Variants in AUTS2 observed in about 807,000 individuals in gnomAD.
The protein encoded by AUTS2 is autism susceptibility gene 2 protein.
Under a neutral mutation model 112.4 loss-of-function variants are expected in AUTS2, and 17 were observed. That is an observed-to-expected ratio of 0.15 (90% confidence interval 0.10 to 0.23). AUTS2 has a LOEUF of 0.23. AUTS2 is among the 10% of genes least tolerant of loss of function. The pLI, the probability that AUTS2 is intolerant of heterozygous loss-of-function variation, is 1.00. For synonymous variants in AUTS2, 751 were observed against 702.7 expected, an observed-to-expected ratio of 1.07 and a Z score of -1.09; for missense variants, 1,510 against 1,701.6, an observed-to-expected ratio of 0.89 and a Z score of 1.98.
At chr7:70,278,193 CT>C (rs1788031410) in intron 4 of AUTS2, among the ~76,000 whole-genome samples, 1 of 152,124 alleles carries the variant, frequency 6.6e-6, no homozygotes, top group Non-Finnish European at 1.5e-5. Context: ...ATTAGACCAA[CT>C]TGTTCTTAGC....
chr7:70,147,234 AG>A (rs1807175867), intron 4 of AUTS2, among the ~76,000 whole-genome samples: 2 of 152,034 alleles, frequency 1.3e-5, no homozygotes, highest in African/African-American at 2.4e-5. Context: ...AAAAAAAAAA[AG>A]TAAAATCATG....
At chr7:70,077,690 G>A (rs1356488789) in intron 2 of AUTS2, among the ~76,000 whole-genome samples, 1 of 152,178 alleles carries the variant, frequency 6.6e-6, no homozygotes, top group African/African-American at 2.4e-5. Flanking sequence ...ACGGCTCTCT[G>A]CCTTTGTTTC....
At position 70,790,250 on chromosome 7, in the gene AUTS2, T is replaced by A. The variant is rs745375336; in HGVS notation, c.3034T>A (p.Ser1012Thr). Reference protein sequence around the residue: ...ASEPPPPNSSSSVHPGPLASM... With the variant: ...ASEPPPPNSSTSVHPGPLASM... The stretch of plus-strand genomic sequence containing the variant: ...GGAGCCGCCGCCTCCCAACTCCTCG[T>A]CCAGCGTGCACCCGGGGCCCCTGGC... The change falls in exon 19 of 19, where the codon TCC becomes ACC. Residue 1012 changes from serine to threonine, a missense_variant. Physicochemically the swap from Ser to Thr is moderately conservative, Grantham distance 58 (BLOSUM62 1). Around this residue, in one of 3 missense-constraint regions of AUTS2, gnomAD observed 788 missense variants for 797.6 expected, o/e 0.99. Transcript: ENST00000342771. This position sits in a 1 kb window ranked among gnomAD's most constrained non-coding sequence, Gnocchi z 7.6. 6.2e-7 allele frequency: 1 copy of A among 1,612,864 alleles called. No homozygotes were observed. Among genetic ancestry groups the A allele is most frequent in the South Asian group, 1.1e-5 (1 of 91,004 alleles).
chr7:70,416,373 C>T (rs1794987076), intron 4 of AUTS2, among the ~76,000 whole-genome samples: 1 of 152,190 alleles, frequency 6.6e-6, no homozygotes. Context: ...AAGTCCCCCA[C>T]TAGTGAGCAC....
At position 69,779,020 on chromosome 7, in the gene AUTS2, A is replaced by G. The variant is rs150105332; in HGVS notation, c.310-120266A>G. 2.7e-3 allele frequency among the ~76,000 whole-genome samples: 389 copies of G among 145,472 alleles called. 4 individuals carry two copies. Among genetic ancestry groups the G allele is most frequent in the African/African-American group, 9.7e-3 (379 of 39,084 alleles). ...TGTTTATTCATGTATAAAAGAAAGT[A>G]CTACACATAGTTGTGAGCCTTTTTT... is the stretch of plus-strand genomic sequence containing the variant. On this transcript the variant is annotated intron_variant, in intron 1 of 18. Coordinates refer to ENST00000342771, the MANE Select transcript of AUTS2 (RefSeq NM_015570.4).
At chr7:70,289,215 G>T (rs148087905) in intron 4 of AUTS2, among the ~76,000 whole-genome samples, 213 of 152,334 alleles carry the variant, frequency 1.4e-3, no homozygotes, top group Middle Eastern at 0.01. Context: ...ATGTGTGATT[G>T]CCATGGATGG....
chr7:69,615,341 C>T (rs1288696088), intron 1 of AUTS2, among the ~76,000 whole-genome samples: 7 of 152,034 alleles, frequency 4.6e-5, no homozygotes, highest in East Asian at 3.9e-4. Flanking sequence ...CTTGCTCTAT[C>T]GCCCAGGCTG....
intron 5 of AUTS2, among the ~76,000 whole-genome samples, chr7:70,526,489 C>T (rs577553191): frequency 4.6e-5 from 7 of 152,138 alleles, no homozygotes; most frequent in East Asian, 1.9e-4. Flanking sequence ...CTGGCCAACA[C>T]GGTGAAACCC....
intron 4 of AUTS2, among the ~76,000 whole-genome samples, chr7:70,212,167 C>T (rs775922248): frequency 6.6e-6 from 1 of 152,202 alleles, no homozygotes; most frequent in Non-Finnish European, 1.5e-5. Flanking sequence ...GTGGTGGGAT[C>T]TGAGCACTGC....
intron 5 of AUTS2, among the ~76,000 whole-genome samples, chr7:70,692,892 T>C (rs1028172625): frequency 6.6e-6 from 1 of 152,088 alleles, no homozygotes; most frequent in African/African-American, 2.4e-5. Flanking sequence ...GTCATTCATA[T>C]GTGGTGTGCA....
chr7:69,649,864 C>T (rs1443572949), intron 1 of AUTS2, among the ~76,000 whole-genome samples: 1 of 152,198 alleles, frequency 6.6e-6, no homozygotes, highest in Non-Finnish European at 1.5e-5. Context: ...GGAAGGATCA[C>T]TGGGAAGAAA....
chr7:69,726,552 A>G (rs542376474), intron 1 of AUTS2, among the ~76,000 whole-genome samples: 1 of 143,056 alleles, frequency 7.0e-6, no homozygotes, highest in South Asian at 2.2e-4. Context: ...ATTTTTTTTT[A>G]ACGTAAGTGC....
intron 4 of AUTS2, among the ~76,000 whole-genome samples, chr7:70,326,757 A>G (rs1790504221): frequency 6.6e-6 from 1 of 152,194 alleles, no homozygotes; most frequent in African/African-American, 2.4e-5. Context: ...AAGGTAAACA[A>G]GTGTGCCTAT....
intron 2 of AUTS2, among the ~76,000 whole-genome samples, chr7:69,928,299 G>A (rs917703609): frequency 5.9e-5 from 9 of 152,174 alleles, no homozygotes; most frequent in Admixed American, 4.6e-4. Context: ...CTTCTCACTC[G>A]GGGTTATGGA....
intron 1 of AUTS2, among the ~76,000 whole-genome samples, chr7:69,606,525 T>C (rs1427308849): frequency 2.0e-5 from 3 of 152,238 alleles, no homozygotes; most frequent in African/African-American, 7.2e-5. Flanking sequence ...AGTCATAATA[T>C]ACTAAATGCA....
chr7:70,651,272 C>T (rs944586126), intron 5 of AUTS2, among the ~76,000 whole-genome samples: 5 of 152,168 alleles, frequency 3.3e-5, no homozygotes, highest in Non-Finnish European at 7.3e-5. Context: ...AAGCTGGACC[C>T]AGGTAATGTG....
intron 1 of AUTS2, among the ~76,000 whole-genome samples, chr7:69,763,877 C>T (rs1329086517): frequency 1.3e-5 from 2 of 152,150 alleles, no homozygotes; most frequent in Admixed American, 6.5e-5. Context: ...TGATGTGTTC[C>T]TTCTGGTCTG....
At chr7:70,716,964 G>A (rs1386419892) in intron 6 of AUTS2, among the ~76,000 whole-genome samples, 1 of 150,012 alleles carries the variant, frequency 6.7e-6, no homozygotes, top group Non-Finnish European at 1.5e-5. Context: ...TCAAGTGATA[G>A]TAGTTATGGC....
At chr7:70,624,836 C>A (rs996022942) in intron 5 of AUTS2, among the ~76,000 whole-genome samples, 1 of 152,078 alleles carries the variant, frequency 6.6e-6, no homozygotes, top group Admixed American at 6.5e-5. Flanking sequence ...GAATAATTAT[C>A]ATCATTATCA....
Sources: gnomAD v4.1 joint callset for allele counts (sites outside exome capture counted in the v4.1 genomes callset) on GRCh38, gnomAD v4.1.1 for gene constraint, gnomAD v4.1.1 regional missense constraint, Gnocchi (gnomAD v3.1) non-coding constraint, MANE v1.5 for transcripts, NCBI Gene and HGNC (gene_info 2026-07-23, HGNC 2026-07-21) for gene names.